The following PYGO1 variants were observed in gnomAD, a reference collection of about 807,000 sequenced individuals.
The protein encoded by PYGO1 is pygopus homolog 1.
A neutral mutation model predicts 29.5 loss-of-function variants in PYGO1; 6 were observed. The ratio of observed to expected loss-of-function variants is 0.20; its 90% CI spans 0.11 to 0.40. The LOEUF is 0.40. Among genes scored for constraint, PYGO1 ranks in the 10% least tolerant of loss-of-function variants. The pLI is 1.00. For synonymous variants in PYGO1, 186 were observed against 180.5 expected (o/e 1.03, Z -0.24); for missense variants, 515 against 514.9 (o/e 1.00, Z 0.00).
At chr15:55,577,899 C>T (rs1266972169) in intron 1 of PYGO1, among the ~76,000 whole-genome samples, 3 of 152,108 alleles carry the variant, frequency 2.0e-5, no homozygotes, top group East Asian at 1.9e-4. Context: ...CTCAGCCTCC[C>T]GAGCAGCTGG....
intron 1 of PYGO1, among the ~76,000 whole-genome samples, chr15:55,552,184 G>A (rs1029582293): frequency 6.6e-6 from 1 of 151,242 alleles, no homozygotes; most frequent in Admixed American, 6.6e-5. Context: ...GCGAAACCCC[G>A]TCTCTACTAA....
chr15:55,576,242 G>A lies in PYGO1; in HGVS notation c.49+11593C>T, dbSNP rs577620562. 6.6e-3 allele frequency among the ~76,000 whole-genome samples: 957 copies of A among 145,214 alleles called. 8 individuals are homozygous for A. In the Middle Eastern group the frequency reaches 0.11, roughly 17 times the overall value. ...GAGGCCGAGGCGGGCGGATCACGAG[G>A]TCAGGAGATCGAGACCATCCCGGCT... On this transcript the variant is annotated intron_variant, in intron 1 of 2. Coordinates refer to ENST00000563719, the MANE Select transcript of PYGO1 (RefSeq NM_001367806.1).
At chr15:55,556,038 C>A (rs1278540220) in intron 1 of PYGO1, among the ~76,000 whole-genome samples, 1 of 151,880 alleles carries the variant, frequency 6.6e-6, no homozygotes, top group Non-Finnish European at 1.5e-5. Flanking sequence ...GAGACTCAGA[C>A]TCCCACAAAA....
intron 1 of PYGO1, among the ~76,000 whole-genome samples, chr15:55,568,999 T>C (rs1178031435): frequency 1.3e-5 from 2 of 152,178 alleles, no homozygotes; most frequent in East Asian, 3.9e-4. Flanking sequence ...TGCTAGTATT[T>C]TGTTAAGTAT....
At chr15:55,565,393 A>C (rs942608571) in intron 1 of PYGO1, among the ~76,000 whole-genome samples, 1 of 152,014 alleles carries the variant, frequency 6.6e-6, no homozygotes, top group Non-Finnish European at 1.5e-5. Context: ...ATTTCTCTAT[A>C]ATGTATATTT....
rs867723637 is a variant in PYGO1, at chr15:55,555,417, G to C, written c.50-6422C>G. Among the ~76,000 whole-genome samples the C allele has an allele frequency of 2.3e-4, 35 of 150,354 alleles. 1 individual carries two copies. The highest frequency in any genetic ancestry group is 2.1e-4 in the Non-Finnish European group (14 of 67,602). On this transcript the variant is annotated intron_variant, in intron 1 of 2. Transcript: ENST00000563719. The stretch of plus-strand genomic sequence containing the variant: ...CCAGTACAAAAGCACTGAGGTACAT[G>C]ACCAATGAAGCAACCACATAAACAA...
Position 55,546,002 on chromosome 15 carries a change from C to G in PYGO1, c.*21G>C. Reference sequence around the variant, plus strand: ...TCTGCAATGCACAGGAAAATAAACCCACTTTAGTTAATGCCTTTGATTAAG... The same window carrying G: ...TCTGCAATGCACAGGAAAATAAACCGACTTTAGTTAATGCCTTTGATTAAG... On this transcript the variant is annotated 3_prime_UTR_variant, in exon 3 of 3. Coordinates refer to ENST00000563719, the MANE Select transcript of PYGO1 (RefSeq NM_001367806.1). 1 of 1,560,466 alleles carries G rather than the reference C, an allele frequency of 6.4e-7. No homozygotes were observed. Among genetic ancestry groups the G allele is most frequent in the Non-Finnish European group, 8.7e-7 (1 of 1,150,734 alleles).
chr15:55,548,565 G>C (rs981882203), intron 2 of PYGO1, among the ~76,000 whole-genome samples: 2 of 151,316 alleles, frequency 1.3e-5, no homozygotes, highest in African/African-American at 4.8e-5. Context: ...AATTAGCTGG[G>C]CATGGTGGCG....
rs950734764 is a variant in PYGO1, at chr15:55,549,063, T to G, written c.50-68A>C. The stretch of plus-strand genomic sequence containing the variant: ...GAAGTTACTTTATATCTCATAGTAA[T>G]ATCTATTATATTTACCTGTTAATGT... On this transcript the variant is annotated intron_variant, in intron 1 of 2. Transcript: ENST00000563719. 4.3e-5 allele frequency: 50 copies of G among 1,161,030 alleles called. No homozygotes were observed. In the African/African-American group the frequency reaches 7.4e-4, roughly 17 times the overall value. 71.9% of individuals were successfully genotyped at this position (1,161,030 alleles called of 1,614,324 possible).
intron 1 of PYGO1, among the ~76,000 whole-genome samples, chr15:55,568,743 T>A (rs2141666289): frequency 6.6e-6 from 1 of 152,276 alleles, no homozygotes; most frequent in East Asian, 1.9e-4. Context: ...AGAGGGCTCT[T>A]ATTATTTGGA....
intron 1 of PYGO1, among the ~76,000 whole-genome samples, chr15:55,568,661 C>T (rs2058967488): frequency 1.3e-5 from 2 of 152,050 alleles, no homozygotes; most frequent in Admixed American, 1.3e-4. Context: ...GTATGCTTGT[C>T]TTGTTCCAGT....
At chr15:55,556,729 A>G (rs2058907135) in intron 1 of PYGO1, among the ~76,000 whole-genome samples, 1 of 152,032 alleles carries the variant, frequency 6.6e-6, no homozygotes, top group Non-Finnish European at 1.5e-5. Context: ...TTTCGAAAAA[A>G]TTAATAAAAG....
chr15:55,568,826 T>C (rs937404568), intron 1 of PYGO1, among the ~76,000 whole-genome samples: 5 of 152,168 alleles, frequency 3.3e-5, no homozygotes, highest in African/African-American at 1.2e-4. Context: ...TCAAAAGCTT[T>C]TTTCATGTCT....
intron 1 of PYGO1, among the ~76,000 whole-genome samples, chr15:55,580,368 T>C (rs2059020469): frequency 6.6e-6 from 1 of 152,234 alleles, no homozygotes; most frequent in African/African-American, 2.4e-5. Context: ...GAATCTGCTG[T>C]AGGTTATGTA....
chr15:55,573,322 A>AG (rs2058987880), intron 1 of PYGO1, among the ~76,000 whole-genome samples: 1 of 151,996 alleles, frequency 6.6e-6, no homozygotes. Context: ...GGAAAAAAAA[A>AG]AAGAGAGACA....
At chr15:55,552,923 C>A (rs1490883333) in intron 1 of PYGO1, among the ~76,000 whole-genome samples, 1 of 152,172 alleles carries the variant, frequency 6.6e-6, no homozygotes, top group Non-Finnish European at 1.5e-5. Context: ...CATGGCACCT[C>A]CCAAGTTAAG....
chr15:55,545,612 C>T lies in PYGO1; in HGVS notation c.*411G>A, dbSNP rs150283748. On this transcript the variant is annotated 3_prime_UTR_variant, in exon 3 of 3. Transcript: ENST00000563719. The stretch of plus-strand genomic sequence containing the variant: ...AGTTACATATATTATGTTGTGAAGA[C>T]GTGTTAAGTGGATCCTTGATAAACT... The T allele has an allele frequency of 5.2e-5, 8 of 155,058 alleles. No individual in the cohort carries two copies. Among genetic ancestry groups the T allele is most frequent in the Non-Finnish European group, 7.1e-5 (5 of 70,048 alleles). The allele number at this position is 155,058 out of a possible 1,614,324, so 9.6% of individuals were successfully genotyped here.
rs2058832586 is a variant in PYGO1 at position 55,542,619 on chromosome 15, G to A, written c.*3404C>T. On this transcript the variant is annotated 3_prime_UTR_variant, in exon 3 of 3. Transcript: ENST00000563719. ...CATGAGCAAGTCAAGTTCTGAGAAA[G>A]GAACTGATGCTTTTTAAAATTTTCT... 1 of 152,126 alleles carries A rather than the reference G, an allele frequency of 6.6e-6. No homozygotes were observed. The highest frequency in any genetic ancestry group is 6.6e-5 in the Admixed American group (1 of 15,250). The allele number at this position is 152,126 out of a possible 1,614,324, so 9.4% of individuals were successfully genotyped here.
intron 1 of PYGO1, among the ~76,000 whole-genome samples, chr15:55,571,505 T>G (rs1271421442): frequency 1.3e-5 from 2 of 152,078 alleles, no homozygotes; most frequent in Non-Finnish European, 2.9e-5. Flanking sequence ...TGGGGGCAGG[T>G]CTTTCCTATG....
Sources: allele counts gnomAD v4.1 joint callset (sites outside exome capture counted in the v4.1 genomes callset), GRCh38; gene constraint gnomAD v4.1.1; transcripts MANE v1.5; gene names NCBI Gene and HGNC (gene_info 2026-07-23, HGNC 2026-07-21).